The following TNRC18 variants were observed in gnomAD, a reference collection of about 807,000 sequenced individuals.
TNRC18 encodes trinucleotide repeat containing 18.
TNRC18 carries 69 observed loss-of-function variants against 226.7 expected under a neutral mutation model. That is an observed-to-expected ratio of 0.30 (90% CI 0.25 to 0.37). The LOEUF (loss-of-function observed/expected upper bound fraction) is 0.37, where lower values mean the gene tolerates loss of function less well. TNRC18 is among the 10% of genes least tolerant of loss of function. The pLI, the probability that TNRC18 is intolerant of heterozygous loss-of-function variation, is 1.00. For synonymous variants in TNRC18, 2,449 were observed against 1,927.6 expected (o/e 1.27, Z -7.09); for missense variants, 4,754 against 4,256.6 (o/e 1.12, Z -3.25).
intron 27 of TNRC18, among the ~76,000 whole-genome samples, chr7:5,311,655 A>G (rs1392207059): frequency 1.3e-5 from 2 of 151,912 alleles, no homozygotes; most frequent in Non-Finnish European, 2.9e-5. Flanking sequence ...CTCTACAAAA[A>G]TATTTAAAAA....
In TNRC18 at chr7:5,336,018, C is replaced by G. The variant is rs368980591; in HGVS notation, c.5720-2969G>C. Among the ~76,000 whole-genome samples the G allele has an allele frequency of 7.2e-5, 11 of 151,750 alleles. No individual in the cohort carries two copies. In the East Asian group the frequency reaches 9.7e-4, roughly 13 times the overall value. ...GGTGAGGAGTTTGAGACCAGCCTGG[C>G]CAACATGGCAAAACCCCATCTCTAC... On this transcript the variant is annotated intron_variant, in intron 18 of 29. Coordinates refer to ENST00000430969, the MANE Select transcript of TNRC18 (RefSeq NM_001080495.3).
Position 5,307,725 on chromosome 7 carries a change from C to T in TNRC18, c.*381G>A, listed in dbSNP as rs1583701773. 1 of 341,694 alleles carries T rather than the reference C, an allele frequency of 2.9e-6. No homozygotes were observed. Among genetic ancestry groups the T allele is most frequent in the East Asian group, 7.9e-5 (1 of 12,588 alleles). The allele number at this position is 341,694 out of a possible 1,614,324, so 21.2% of individuals were successfully genotyped here. The stretch of plus-strand genomic sequence containing the variant: ...AGTTTGGTTCCTTAGAAGCGCCCCT[C>T]CCCACCGAATCCCCAGTCTGCATGG... On this transcript the variant is annotated 3_prime_UTR_variant, in exon 30 of 30. Transcript: ENST00000430969.
intron 18 of TNRC18, among the ~76,000 whole-genome samples, chr7:5,338,614 CATTAAAAAAA>C (rs1248701684): frequency 6.1e-5 from 6 of 98,674 alleles, no homozygotes; most frequent in Non-Finnish European, 9.7e-5. Flanking sequence ...CAACGCTGCA[CATTAAAAAAA>C]AAAAAAAAAA....
At chr7:5,407,674 C>T (rs1226027684) in intron 2 of TNRC18, among the ~76,000 whole-genome samples, 2 of 152,232 alleles carry the variant, frequency 1.3e-5, no homozygotes, top group Non-Finnish European at 2.9e-5. Context: ...ATCCCAAAGG[C>T]GGCCAAGGAG....
rs1391120362 is a variant in TNRC18, at chr7:5,357,234, A to C, written c.4876T>G (p.Leu1626Val). Residue 1626 changes from leucine to valine, a missense_variant, in exon 16 of 30, where the codon TTG becomes GTG. Coordinates refer to ENST00000430969, the MANE Select transcript of TNRC18 (RefSeq NM_001080495.3). ...KKKMASDQEQ[L>V]ASKLDKALSL... ...AGGGCCTTGTCGAGCTTGCTTGCCA[A>C]CTGCTCCTGGTCGCTGGCCATCTTC... 12 of 1,612,634 alleles carry C rather than the reference A, an allele frequency of 7.4e-6. No individual in the cohort carries two copies. The highest frequency in any genetic ancestry group is 9.3e-6 in the Non-Finnish European group (11 of 1,179,480).
In TNRC18 at chr7:5,324,990, G is replaced by A; in HGVS notation, c.6300+106C>T. Reference sequence around the variant, plus strand: ...TCACCCGCAACCTCTCTGAGCCACAGCTATAGGGAGGGTGAATACAGAGGA... The same window carrying A: ...TCACCCGCAACCTCTCTGAGCCACAACTATAGGGAGGGTGAATACAGAGGA... On this transcript the variant is annotated intron_variant, in intron 20 of 29. Coordinates refer to ENST00000430969, the MANE Select transcript of TNRC18 (RefSeq NM_001080495.3). The surrounding 1 kb of genome is among the most constrained non-coding windows in gnomAD (Gnocchi z 4.8). 2 of 1,358,144 alleles carry A rather than the reference G, an allele frequency of 1.5e-6. No homozygotes were observed. Among genetic ancestry groups the A allele is most frequent in the Non-Finnish European group, 2.0e-6 (2 of 1,012,014 alleles). 84.1% of individuals were successfully genotyped at this position (1,358,144 alleles called of 1,614,324 possible).
intron 11 of TNRC18, among the ~76,000 whole-genome samples, chr7:5,366,125 T>C (rs1359613347): frequency 6.6e-6 from 1 of 151,972 alleles, no homozygotes; most frequent in Admixed American, 6.6e-5. Flanking sequence ...CACATTTCAC[T>C]ATTCATTCGC....
intron 2 of TNRC18, among the ~76,000 whole-genome samples, chr7:5,410,884 A>AT (rs398003509): frequency 6.8e-6 from 1 of 146,574 alleles, no homozygotes; most frequent in East Asian, 2.0e-4. Context: ...AAAAAAAAAA[A>AT]GGGAAGAGAA....
chr7:5,385,991 A>AAAAAC lies in TNRC18; in HGVS notation c.2152+1680_2152+1681insGTTTT, dbSNP rs1554295518. On this transcript the variant is annotated intron_variant, in intron 5 of 29. Transcript: ENST00000430969. ...GAGCAAAAGTCTGTCTCAAAAAAAA[A>AAAAAC]AAAAAAAAAAAAAAAACAGATGCGG... Among the ~76,000 whole-genome samples the AAAAAC allele has an allele frequency of 7.9e-4, 118 of 148,858 alleles. 1 individual carries two copies. The highest frequency in any genetic ancestry group is 2.8e-3 in the African/African-American group (115 of 40,352).
rs760943668 is a variant in TNRC18 at position 5,378,073 on chromosome 7, C to A, written c.2153-49G>T. ...AGCCCCCAGCCAGCACCGAGCCCAT[C>A]CCAGACCCATTGGCCCCACTGCCCT... is the stretch of plus-strand genomic sequence containing the variant. On this transcript the variant is annotated intron_variant, in intron 5 of 29. Transcript: ENST00000430969. The A allele has an allele frequency of 3.9e-6, 6 of 1,537,320 alleles. No individual in the cohort carries two copies. In the South Asian group the frequency reaches 6.8e-5, roughly 17 times the overall value.
chr7:5,355,325 C>T (rs1254595205), intron 16 of TNRC18, among the ~76,000 whole-genome samples: 1 of 152,218 alleles, frequency 6.6e-6, no homozygotes, highest in African/African-American at 2.4e-5. Context: ...CAGGAATGCT[C>T]CATTTCAAGA....
At position 5,352,717 on chromosome 7, in the gene TNRC18, T is replaced by C. The variant is rs1379742515; in HGVS notation, c.5195-623A>G. ...TTCCCCAGAGTCTCCAGCCTAACTATACAACGGAGGACAAGAGTCTTCAAA... is the reference window on the plus strand; with the variant it reads ...TTCCCCAGAGTCTCCAGCCTAACTACACAACGGAGGACAAGAGTCTTCAAA... On this transcript the variant is annotated intron_variant, in intron 16 of 29. Transcript: ENST00000430969. 3.9e-5 allele frequency among the ~76,000 whole-genome samples: 6 copies of C among 152,302 alleles called. No individual in the cohort carries two copies. The East Asian group carries it at 1.2e-3, about 29-fold the overall frequency.
At position 5,374,183 on chromosome 7, in the gene TNRC18, G is replaced by A. The variant is rs764873435; in HGVS notation, c.3101C>T (p.Pro1034Leu). 2.8e-5 allele frequency: 40 copies of A among 1,421,584 alleles called. No homozygotes were observed. The highest frequency in any genetic ancestry group is 4.5e-5 in the African/African-American group (3 of 66,228). The allele number at this position is 1,421,584 out of a possible 1,614,324, so 88.1% of individuals were successfully genotyped here. Residue 1034 changes from proline to leucine, a missense_variant, in exon 10 of 30, where the codon CCG (proline) becomes CTG (leucine). Transcript: ENST00000430969. ...PATPSSHPTS[P>L]PPASPPPTPG... ...GGTGGGCGGTGGGGAGGCGGGCGGCGGGCTGGTGGGGTGGGAGCTGGGGGT... is the reference window on the plus strand; with the variant it reads ...GGTGGGCGGTGGGGAGGCGGGCGGCAGGCTGGTGGGGTGGGAGCTGGGGGT...
At position 5,388,455 on chromosome 7, in the gene TNRC18, G is replaced by A. The variant is rs2128193851; in HGVS notation, c.1369C>T (p.Arg457Cys). ...VRATRASPDPRAYVPAKELLK... is the reference protein window; with the variant it reads ...VRATRASPDPCAYVPAKELLK... ...AGCTCCTTGGCAGGCACGTAGGCGC[G>A]GGGGTCCGGGGAGGCGCGTGTGGCC... The change falls in exon 5 of 30, where the codon CGC becomes TGC. Residue 457 changes from arginine (R) to cysteine (C), a missense_variant. Physicochemically the swap from Arg to Cys is radical, Grantham distance 180. Coordinates refer to ENST00000430969, the MANE Select transcript of TNRC18 (RefSeq NM_001080495.3). 1 of 1,445,858 alleles carries A rather than the reference G, an allele frequency of 6.9e-7. No individual in the cohort carries two copies. Among genetic ancestry groups the A allele is most frequent in the Non-Finnish European group, 9.0e-7 (1 of 1,111,920 alleles). The allele number at this position is 1,445,858 out of a possible 1,614,324, so 89.6% of individuals were successfully genotyped here.
intron 5 of TNRC18, among the ~76,000 whole-genome samples, chr7:5,382,060 C>T (rs1012762950): frequency 2.0e-5 from 3 of 152,130 alleles, no homozygotes; most frequent in Non-Finnish European, 1.5e-5. Flanking sequence ...GGGCCCCAGG[C>T]CACTTTGCAA....
At chr7:5,334,052 G>A (rs1158792839) in intron 18 of TNRC18, among the ~76,000 whole-genome samples, 2 of 152,204 alleles carry the variant, frequency 1.3e-5, no homozygotes, top group African/African-American at 4.8e-5. Context: ...CCTTCACTCA[G>A]GGATGCAATC....
intron 19 of TNRC18, among the ~76,000 whole-genome samples, chr7:5,328,649 C>A (rs186577147): frequency 1.6e-3 from 238 of 152,148 alleles, no homozygotes; most frequent in Non-Finnish European, 2.1e-3. Flanking sequence ...GCTAGGACTA[C>A]AGGTGACCGC....
intron 5 of TNRC18, among the ~76,000 whole-genome samples, chr7:5,383,957 A>ATTTTTTTTTT (rs765430615): frequency 6.3e-5 from 5 of 78,802 alleles, no homozygotes; most frequent in African/African-American, 1.6e-4. Flanking sequence ...TACCCGGGTG[A>ATTTTTTTTTT]TTTTTTTTTT....
intron 19 of TNRC18, chr7:5,330,030 C>G: frequency 2.1e-6 from 1 of 470,686 alleles, no homozygotes. Context: ...GAAAATCACC[C>G]CACATCTCAG....
Sources: allele counts gnomAD v4.1 joint callset (sites outside exome capture counted in the v4.1 genomes callset), GRCh38; gene constraint gnomAD v4.1.1; non-coding constraint Gnocchi (gnomAD v3.1); transcripts MANE v1.5; gene names NCBI Gene and HGNC (gene_info 2026-07-23, HGNC 2026-07-21).